ADA2: variants seen among roughly 807,000 people sequenced by gnomAD.
ADA2 encodes adenosine deaminase 2.
In ADA2, 29 loss-of-function variants were observed where a neutral mutation model predicts 44.2. The ratio of observed to expected loss-of-function variants is 0.66; its 90% confidence interval spans 0.49 to 0.89. ADA2 has a LOEUF of 0.89. Among genes scored for constraint, ADA2 ranks in the 40% least tolerant of loss-of-function variants. ADA2 has a pLI of 0.00. For synonymous variants in ADA2, 215 were observed against 234.9 expected (o/e 0.92, Z 0.77); for missense variants, 637 against 644.8 (o/e 0.99, Z 0.13).
chr22:17,192,976 C>A, intron 4 of ADA2: 1 of 626,092 alleles, frequency 1.6e-6, no homozygotes, highest in African/African-American at 1.8e-5. Flanking sequence ...TGGCACCGGT[C>A]TGACCAATAC....
At chr22:17,208,434 A>AT (rs2062378761) in intron 2 of ADA2, among the ~76,000 whole-genome samples, 1 of 105,178 alleles carries the variant, frequency 9.5e-6, no homozygotes, top group Non-Finnish European at 2.3e-5. Flanking sequence ...AAAAAAAAAA[A>AT]GAAAAAAAAA....
At chr22:17,195,836 C>G (rs1198690708) in intron 4 of ADA2, among the ~76,000 whole-genome samples, 14 of 150,874 alleles carry the variant, frequency 9.3e-5, no homozygotes, top group Non-Finnish European at 2.1e-4. Flanking sequence ...TCTCGGCTCA[C>G]TTTAACCTCC....
intron 6 of ADA2, among the ~76,000 whole-genome samples, chr22:17,188,886 T>TATATA (rs1491152456): frequency 1.0e-4 from 6 of 59,578 alleles, no homozygotes; most frequent in Non-Finnish European, 1.9e-4. Context: ...TATATATATA[T>TATATA]TTTGTAAAGA....
intron 7 of ADA2, among the ~76,000 whole-genome samples, chr22:17,187,831 G>A (rs1297936130): frequency 2.0e-5 from 3 of 152,058 alleles, no homozygotes; most frequent in Admixed American, 6.6e-5. Context: ...AAGGCCAGGC[G>A]CAGTGGCTCA....
rs1226708979 is a variant in ADA2 at position 17,181,993 on chromosome 22, G to C, written c.1269C>G (p.Asn423Lys). 2 of 1,614,052 alleles carry C rather than the reference G, an allele frequency of 1.2e-6. No individual in the cohort carries two copies. The highest frequency in any genetic ancestry group is 1.7e-6 in the Non-Finnish European group (2 of 1,179,972). ...QVLKLVSDLRNHPVATLMATG... is the reference protein window; with the variant it reads ...QVLKLVSDLRKHPVATLMATG... Reference sequence around the variant, plus strand: ...TGGCCATCAGAGTGGCTACAGGGTGGTTCCTCAAGTCAGACACCAGTTTCA... The same window carrying C: ...TGGCCATCAGAGTGGCTACAGGGTGCTTCCTCAAGTCAGACACCAGTTTCA... Residue 423 changes from asparagine to lysine, a missense_variant, in exon 9 of 10, where the codon AAC becomes AAG. Transcript: ENST00000399837.
At position 17,181,871 on chromosome 22, in the gene ADA2, C is replaced by G; in HGVS notation, c.1391G>C (p.Gly464Ala). Reference protein sequence around the residue: ...DFYEVFMGIGGMKADLRTLKQ... With the variant: ...DFYEVFMGIGAMKADLRTLKQ... Reference sequence around the variant, plus strand: ...GAGGGTCCTCAGGTCAGCCTTCATCCCCCCAATGCCCATGAAGACCTCATA... The same window carrying G: ...GAGGGTCCTCAGGTCAGCCTTCATCGCCCCAATGCCCATGAAGACCTCATA... The change falls in exon 9 of 10, where the codon GGG (glycine) becomes GCG (alanine). Residue 464 changes from glycine (G) to alanine (A), a missense_variant. Gly to Ala is a moderately conservative substitution (Grantham distance 60). Coordinates refer to ENST00000399837, the MANE Select transcript of ADA2 (RefSeq NM_001282225.2). The G allele has an allele frequency of 6.2e-7, 1 of 1,614,060 alleles. No individual in the cohort carries two copies. Among genetic ancestry groups the G allele is most frequent in the Non-Finnish European group, 8.5e-7 (1 of 1,179,972 alleles).
intron 1 of ADA2, among the ~76,000 whole-genome samples, chr22:17,215,367 G>A (rs1235580507): frequency 8.6e-5 from 10 of 116,256 alleles, no homozygotes; most frequent in Non-Finnish European, 2.1e-5. Context: ...TTGGGAGGCC[G>A]AGGCAGGAGG....
chr22:17,219,210 G>T (rs771216568), intron 1 of ADA2, 146 bp downstream of exon 1: 2 of 152,272 alleles, frequency 1.3e-5, no homozygotes, highest in Non-Finnish European at 2.9e-5. Context: ...CCTGTTGGGA[G>T]AAAGCCTGTT....
intron 4 of ADA2, chr22:17,199,449 A>ACCCCTCCTCTATCCTCTTC: frequency 5.7e-6 from 2 of 350,726 alleles, no homozygotes; most frequent in Non-Finnish European, 9.3e-6. Flanking sequence ...CTTCCCCTCC[A>ACCCCTCCTCTATCCTCTTC]CCCACGAAGA....
intron 4 of ADA2, among the ~76,000 whole-genome samples, 196 bp from the exon 5 acceptor site, chr22:17,192,006 C>T (rs1314973145): frequency 6.7e-6 from 1 of 150,030 alleles, no homozygotes; most frequent in Non-Finnish European, 1.5e-5. Context: ...TCCCAGTCAA[C>T]TCCTTCCCAG....
chr22:17,193,031 C>T lies in ADA2; in HGVS notation c.754-1221G>A, dbSNP rs186785255. On this transcript the variant is annotated intron_variant, in intron 4 of 9. Coordinates refer to ENST00000399837, the MANE Select transcript of ADA2 (RefSeq NM_001282225.2). Reference sequence around the variant, plus strand: ...GGCGGAAACCCAGAGGTATTCACAACGGGGTTCATAGAAGGTTCAAGGGCC... The same window carrying T: ...GGCGGAAACCCAGAGGTATTCACAATGGGGTTCATAGAAGGTTCAAGGGCC... 546 of 684,840 alleles carry T rather than the reference C, an allele frequency of 8.0e-4. 12 individuals carry two copies. The highest frequency in any genetic ancestry group is 3.9e-3 in the Middle Eastern group (15 of 3,828). The allele number at this position is 684,840 out of a possible 1,614,324, so 42.4% of individuals were successfully genotyped here. A position where few individuals can be genotyped will look rare whatever the true frequency, so the allele number is the denominator to read the frequency against.
intron 4 of ADA2, chr22:17,193,453 T>C: frequency 2.9e-6 from 1 of 340,484 alleles, no homozygotes; most frequent in South Asian, 3.1e-5. Flanking sequence ...GATCACGAGG[T>C]CATGAGTTCG....
Position 17,181,576 on chromosome 22 carries a change from C to T in ADA2, c.1443G>A (p.Lys481=), listed in dbSNP as rs774795047. 8 of 1,605,990 alleles carry T rather than the reference C, an allele frequency of 5.0e-6. No homozygotes were observed. The Admixed American group carries it at 6.7e-5, about 13-fold the overall frequency. The change falls in exon 10 of 10, where the codon AAG becomes AAA. Residue 481 remains lysine (K), a splice_region_variant and synonymous_variant. Coordinates refer to ENST00000399837, the MANE Select transcript of ADA2 (RefSeq NM_001282225.2). ...TCTCACTCTCCAACAGGGTACTGTA[C>T]CTGCAGGAAGAGGAGGAGCCCAGGT... ...TLKQLAMNSI[K]YSTLLESEKN...
chr22:17,207,658 A>C (rs867514412), intron 2 of ADA2, among the ~76,000 whole-genome samples: 1 of 152,042 alleles, frequency 6.6e-6, no homozygotes, highest in Non-Finnish European at 1.5e-5. Flanking sequence ...AGAGGGCATC[A>C]GGCTTGGAAC....
intron 4 of ADA2, among the ~76,000 whole-genome samples, chr22:17,197,941 G>A (rs1197425826): frequency 6.6e-6 from 1 of 152,056 alleles, no homozygotes; most frequent in Non-Finnish European, 1.5e-5. Flanking sequence ...GGGAGGCTGA[G>A]GCAGGAGAAT....
intron 4 of ADA2, chr22:17,193,217 C>G: frequency 1.7e-6 from 2 of 1,164,498 alleles, no homozygotes; most frequent in Admixed American, 1.8e-5. Flanking sequence ...AACGTTTCCT[C>G]TAAGAACCAC....
chr22:17,213,528 G>T (rs2062438651), intron 1 of ADA2: 1 of 288,682 alleles, frequency 3.5e-6, no homozygotes, highest in Non-Finnish European at 6.9e-6. Flanking sequence ...CTACGAGCAG[G>T]TACAAAAAGG....
intron 1 of ADA2, among the ~76,000 whole-genome samples, chr22:17,215,432 C>T (rs2062460050): frequency 6.6e-6 from 1 of 151,686 alleles, no homozygotes; most frequent in Non-Finnish European, 1.5e-5. Flanking sequence ...ATGGTGAAAC[C>T]CCGTCTCTAC....
intron 7 of ADA2, among the ~76,000 whole-genome samples, chr22:17,186,481 C>G (rs745305874): frequency 1.3e-5 from 2 of 151,986 alleles, no homozygotes; most frequent in Non-Finnish European, 2.9e-5. Context: ...ACTCGGGAGG[C>G]TGAGGCACGA....
Sources: allele counts gnomAD v4.1 joint callset (sites outside exome capture counted in the v4.1 genomes callset), GRCh38; gene constraint gnomAD v4.1.1; transcripts MANE v1.5; gene names NCBI Gene and HGNC (gene_info 2026-07-23, HGNC 2026-07-21).